MAPK10: variants seen among roughly 807,000 people sequenced by gnomAD.
MAPK10 encodes the protein JNK3 alpha protein kinase.
Under a neutral mutation model 59.3 loss-of-function variants are expected in MAPK10, and 25 were observed. The observed-to-expected ratio is 0.42, with a 90% CI of 0.31 to 0.59. MAPK10 has a LOEUF of 0.59. Among genes scored for constraint, MAPK10 ranks in the 20% least tolerant of loss-of-function variants. MAPK10 has a pLI of 0.15. For missense variants in MAPK10, 351 were observed against 568.9 expected, an observed-to-expected ratio of 0.62 and a Z score of 3.90; for synonymous variants, 190 against 200.5, an observed-to-expected ratio of 0.95 and a Z score of 0.44.
chr4:86,167,415 A>G (rs1019247433), intron 3 of MAPK10, among the ~76,000 whole-genome samples: 2 of 152,204 alleles, frequency 1.3e-5, no homozygotes, highest in East Asian at 1.9e-4. Flanking sequence ...GACATAGCAA[A>G]AAAAGAAAAC....
chr4:86,559,564 G>C (rs1297308653), intron 1 of MAPK10, among the ~76,000 whole-genome samples: 3 of 152,078 alleles, frequency 2.0e-5, no homozygotes, highest in African/African-American at 7.2e-5. Flanking sequence ...TTCAGGAAAG[G>C]GTGAAGAGAG....
chr4:86,263,419 A>G (rs1339520571), intron 2 of MAPK10, among the ~76,000 whole-genome samples: 2 of 152,188 alleles, frequency 1.3e-5, no homozygotes, highest in East Asian at 3.9e-4. Flanking sequence ...TCCTAGAAGT[A>G]TGATGATAAA....
rs532312820 is a variant in MAPK10, at chr4:86,058,743, T to C, written c.1110+5523A>G. On this transcript the variant is annotated intron_variant, in intron 11 of 13. Transcript: ENST00000641462. Reference sequence around the variant, plus strand: ...CCTTAGGGTCTCATCTACTTAGATCTCTGATCTTAGACCACATGTCTCTCC... The same window carrying C: ...CCTTAGGGTCTCATCTACTTAGATCCCTGATCTTAGACCACATGTCTCTCC... Among the ~76,000 whole-genome samples, 12 of 132,628 alleles carry C rather than the reference T, an allele frequency of 9.0e-5. No homozygotes were observed. In the East Asian group the frequency reaches 2.3e-3, roughly 26 times the overall value. The allele number at this position is 132,628 out of a possible 152,430, so 87.0% of individuals were successfully genotyped here.
chr4:86,359,332 T>TGTGTGTGTTTCTCTC (rs1736272397), intron 1 of MAPK10, among the ~76,000 whole-genome samples: 1 of 125,918 alleles, frequency 7.9e-6, no homozygotes, highest in African/African-American at 3.1e-5. Context: ...GTGTGTGTGT[T>TGTGTGTGTTTCTCTC]TCTCTCTCTC....
At chr4:86,435,714 A>T (rs1279225227) in intron 1 of MAPK10, among the ~76,000 whole-genome samples, 1 of 152,172 alleles carries the variant, frequency 6.6e-6, no homozygotes, top group Non-Finnish European at 1.5e-5. Flanking sequence ...CTGTTAGGTC[A>T]GCTATAGACT....
chr4:86,325,452 G>A (rs1056076136), intron 2 of MAPK10, among the ~76,000 whole-genome samples: 5 of 152,160 alleles, frequency 3.3e-5, no homozygotes, highest in African/African-American at 1.2e-4. Flanking sequence ...TCTAAAGCCA[G>A]CTTGCTTAAC....
At chr4:86,114,222 A>T (rs1401992987) in intron 4 of MAPK10, among the ~76,000 whole-genome samples, 2 of 152,190 alleles carry the variant, frequency 1.3e-5, no homozygotes, top group Non-Finnish European at 2.9e-5. Flanking sequence ...CTGTCAATTC[A>T]TCCATTGCAG....
chr4:86,471,531 G>GA (rs1186345438), intron 1 of MAPK10, among the ~76,000 whole-genome samples: 6 of 151,966 alleles, frequency 3.9e-5, no homozygotes, highest in Non-Finnish European at 2.9e-5. Flanking sequence ...ATTTATATTT[G>GA]AAAAACAGAA....
chr4:86,062,079 T>C (rs3775187), intron 11 of MAPK10, among the ~76,000 whole-genome samples: 71,780 of 151,896 alleles, frequency 0.47, 18,114 homozygotes, highest in African/African-American at 0.66. Context: ...TTCTTAGTTG[T>C]GACCACTGTA....
chr4:86,338,856 T>TAAC (rs10671229), intron 2 of MAPK10, among the ~76,000 whole-genome samples: 110,926 of 151,716 alleles, frequency 0.73, 41,134 homozygotes, highest in South Asian at 0.9. Flanking sequence ...TGTTTAGTGT[T>TAAC]AACAAAATTT....
At chr4:86,114,561 G>A (rs554178488) in intron 4 of MAPK10, among the ~76,000 whole-genome samples, 13 of 152,310 alleles carry the variant, frequency 8.5e-5, no homozygotes, top group African/African-American at 3.1e-4. Flanking sequence ...CCTTCCTCTG[G>A]AAGCTCCATA....
In MAPK10 at chr4:86,439,246, C is replaced by A. The variant is rs568966075; in HGVS notation, c.-122+13784G>T. ...TCAGTTCTCTTACCCTAAAAGTTTC[C>A]TCATGGTGCACCTTTAAAGTCAGCC... On this transcript the variant is annotated intron_variant, in intron 1 of 13. Coordinates refer to the MAPK10 transcript ENST00000361569. Among the ~76,000 whole-genome samples, 23 of 152,210 alleles carry A rather than the reference C, an allele frequency of 1.5e-4. No homozygotes were observed. The South Asian group carries it at 3.9e-3, about 26-fold the overall frequency.
intron 11 of MAPK10, 52 bp from the exon 12 acceptor site, chr4:86,031,483 AAACTC>A: frequency 8.0e-7 from 1 of 1,245,740 alleles, no homozygotes; most frequent in Non-Finnish European, 1.2e-6. Context: ...AAACATAACT[AAACTC>A]TTACAATGCA....
chr4:86,437,032 G>A (rs1354778923), intron 1 of MAPK10, among the ~76,000 whole-genome samples: 4 of 151,968 alleles, frequency 2.6e-5, no homozygotes, highest in Non-Finnish European at 5.9e-5. Flanking sequence ...CTAACACGGT[G>A]AAACCACATC....
intron 4 of MAPK10, among the ~76,000 whole-genome samples, chr4:86,134,213 G>T (rs2061491123): frequency 6.6e-6 from 1 of 152,176 alleles, no homozygotes; most frequent in South Asian, 2.1e-4. Flanking sequence ...AATATTTGAA[G>T]ATATCTTTCA....
chr4:86,135,628 GC>G (rs1408371293), intron 4 of MAPK10, among the ~76,000 whole-genome samples: 2 of 152,120 alleles, frequency 1.3e-5, no homozygotes, highest in African/African-American at 4.8e-5. Context: ...AAAGCAGAGC[GC>G]CTCTCCTCCT....
intron 11 of MAPK10, among the ~76,000 whole-genome samples, chr4:86,035,069 G>A (rs2148925898): frequency 6.6e-6 from 1 of 152,152 alleles, no homozygotes; most frequent in East Asian, 1.9e-4. Flanking sequence ...GACAAAGGGT[G>A]GATCAAGGAT....
intron 2 of MAPK10, among the ~76,000 whole-genome samples, chr4:86,280,986 T>C (rs2094779115): frequency 6.6e-6 from 1 of 152,042 alleles, no homozygotes; most frequent in Non-Finnish European, 1.5e-5. Context: ...AAACCACCTA[T>C]AGGGTACAAT....
chr4:86,098,061 C>T (rs937517551), intron 9 of MAPK10, among the ~76,000 whole-genome samples: 20 of 151,884 alleles, frequency 1.3e-4, no homozygotes, highest in Non-Finnish European at 2.4e-4. Context: ...GATTTAGTGT[C>T]GAGTAATTTA....
Sources: gnomAD v4.1 joint callset for allele counts (sites outside exome capture counted in the v4.1 genomes callset) on GRCh38, gnomAD v4.1.1 for gene constraint, MANE v1.5 for transcripts, NCBI Gene and HGNC (gene_info 2026-07-23, HGNC 2026-07-21) for gene names.